Variants in PDSS2 observed in about 807,000 individuals in gnomAD.
PDSS2 encodes the protein all trans-polyprenyl-diphosphate synthase PDSS2.
Under a neutral mutation model 44.5 loss-of-function variants are expected in PDSS2, and 31 were observed. The observed-to-expected ratio is 0.70, with a 90% CI of 0.52 to 0.94. PDSS2 has a LOEUF of 0.94. Among genes scored for constraint, PDSS2 ranks in the 40% least tolerant of loss-of-function variants. The probability of loss-of-function intolerance (pLI) is 0.00; values close to 1 mark genes in which losing one functional copy is unlikely to be tolerated. For synonymous variants in PDSS2, 157 were observed against 180.3 expected (o/e 0.87, Z 1.03); for missense variants, 452 against 482.2 (o/e 0.94, Z 0.59).
intron 1 of PDSS2, among the ~76,000 whole-genome samples, chr6:107,364,131 T>C (rs940061400): frequency 2.0e-5 from 3 of 152,184 alleles, no homozygotes; most frequent in Non-Finnish European, 4.4e-5. Flanking sequence ...CTGAGCTAGA[T>C]ATAAAGACTC....
rs1480097164 is a variant in PDSS2 at position 107,417,340 on chromosome 6, T to C, written c.296+41650A>G. On this transcript the variant is annotated intron_variant, in intron 1 of 7. Coordinates refer to ENST00000369037, the MANE Select transcript of PDSS2 (RefSeq NM_020381.4). ...AGATATAGTGATACTAGTACTCTCA[T>C]ACATGCTGATAGTGTTACAAATTGG... 2.0e-5 allele frequency among the ~76,000 whole-genome samples: 3 copies of C among 152,318 alleles called. No homozygotes were observed. The South Asian group carries it at 6.2e-4, about 32-fold the overall frequency.
At chr6:107,274,474 A>G (rs1775709017) in intron 2 of PDSS2, among the ~76,000 whole-genome samples, 1 of 152,136 alleles carries the variant, frequency 6.6e-6, no homozygotes, top group Admixed American at 6.6e-5. Flanking sequence ...GATATCCCAG[A>G]CAGAAGTTGA....
intron 1 of PDSS2, among the ~76,000 whole-genome samples, chr6:107,378,045 A>T (rs1045472611): frequency 1.3e-5 from 2 of 150,602 alleles, no homozygotes; most frequent in Non-Finnish European, 3.0e-5. Context: ...ATAATAATAA[A>T]AAAATAAAAA....
At chr6:107,304,187 C>T (rs927923913) in intron 2 of PDSS2, among the ~76,000 whole-genome samples, 2 of 152,142 alleles carry the variant, frequency 1.3e-5, no homozygotes, top group African/African-American at 4.8e-5. Context: ...CTATGTGACC[C>T]TCAGTCTCCC....
chr6:107,444,927 G>C (rs532172793), intron 1 of PDSS2, among the ~76,000 whole-genome samples: 1 of 152,176 alleles, frequency 6.6e-6, no homozygotes, highest in East Asian at 1.9e-4. Flanking sequence ...ATAGTTTTTT[G>C]AAGGCAAAAG....
At chr6:107,402,486 ACG>A (rs1562516216) in intron 1 of PDSS2, among the ~76,000 whole-genome samples, 1 of 65,904 alleles carries the variant, frequency 1.5e-5, no homozygotes, top group Non-Finnish European at 4.6e-5. Context: ...ATACATATAT[ACG>A]TATATATGTA....
chr6:107,354,756 G>T (rs1275097827), intron 1 of PDSS2, among the ~76,000 whole-genome samples: 1 of 151,988 alleles, frequency 6.6e-6, no homozygotes, highest in African/African-American at 2.4e-5. Flanking sequence ...CTAGCTTGAG[G>T]ATCCTTACCT....
At chr6:107,350,822 T>G (rs551072617) in intron 1 of PDSS2, among the ~76,000 whole-genome samples, 1 of 151,094 alleles carries the variant, frequency 6.6e-6, no homozygotes, top group African/African-American at 2.4e-5. Flanking sequence ...AAAAAAAAAG[T>G]AAACAAACAG....
intron 6 of PDSS2, among the ~76,000 whole-genome samples, chr6:107,204,734 C>G (rs931293604): frequency 7.9e-5 from 12 of 152,192 alleles, no homozygotes; most frequent in African/African-American, 2.7e-4. Context: ...TTCCTCTATG[C>G]TCCCCAAGTG....
At chr6:107,226,290 C>T (rs1246033785) in intron 4 of PDSS2, among the ~76,000 whole-genome samples, 2 of 151,942 alleles carry the variant, frequency 1.3e-5, no homozygotes, top group Admixed American at 6.6e-5. Context: ...CCAGCCTGGG[C>T]GACAAAGCGA....
chr6:107,273,204 G>A (rs1292001309), intron 3 of PDSS2, among the ~76,000 whole-genome samples: 1 of 151,798 alleles, frequency 6.6e-6, no homozygotes, highest in Non-Finnish European at 1.5e-5. Flanking sequence ...GACTGGTCTC[G>A]AACTCCTGAC....
intron 7 of PDSS2, among the ~76,000 whole-genome samples, chr6:107,188,247 C>T (rs1383818973): frequency 1.3e-5 from 2 of 152,004 alleles, no homozygotes; most frequent in African/African-American, 4.8e-5. Context: ...GCATTGGTGG[C>T]TTGCACTTGT....
intron 1 of PDSS2, among the ~76,000 whole-genome samples, chr6:107,391,193 C>T (rs1205574040): frequency 6.6e-6 from 1 of 151,784 alleles, no homozygotes; most frequent in African/African-American, 2.4e-5. Flanking sequence ...GAAAAGAAAC[C>T]CCATCTAACT....
At chr6:107,332,517 A>C (rs541803640) in intron 2 of PDSS2, among the ~76,000 whole-genome samples, 24 of 152,316 alleles carry the variant, frequency 1.6e-4, no homozygotes, top group Non-Finnish European at 3.4e-4. Context: ...ATATGCTTAC[A>C]AGATGACTTT....
In PDSS2 at chr6:107,367,999, G is replaced by A. The variant is rs117926872; in HGVS notation, c.297-33667C>T. The stretch of plus-strand genomic sequence containing the variant: ...AACTATTGTATTTCAGGCCAAGCGC[G>A]GTGGCTCACGCCCGTAATCCCAGCA... On this transcript the variant is annotated intron_variant, in intron 1 of 7. Transcript: ENST00000369037. 8.0e-3 allele frequency among the ~76,000 whole-genome samples: 1,215 copies of A among 151,456 alleles called. 50 individuals carry two copies. In the East Asian group the frequency reaches 0.12, roughly 15 times the overall value.
intron 2 of PDSS2, among the ~76,000 whole-genome samples, chr6:107,303,836 G>A (rs1776774990): frequency 6.6e-6 from 1 of 152,160 alleles, no homozygotes; most frequent in African/African-American, 2.4e-5. Context: ...ATCTGTACAA[G>A]TGAAATTACA....
Position 107,272,336 on chromosome 6 carries a change from T to C in PDSS2, c.630+1693A>G, listed in dbSNP as rs1009768933. 7.9e-5 allele frequency among the ~76,000 whole-genome samples: 12 copies of C among 152,172 alleles called. No homozygotes were observed. The East Asian group carries it at 1.2e-3, about 15-fold the overall frequency. ...GCTGGCTTACACTGAGACTCTCCTT[T>C]AGCAAACTAGGATGTACACTGATCC... On this transcript the variant is annotated intron_variant, in intron 3 of 7. Transcript: ENST00000369037.
intron 1 of PDSS2, among the ~76,000 whole-genome samples, chr6:107,347,256 C>CTTTTTTT (rs35184119): frequency 2.2e-5 from 2 of 90,006 alleles, no homozygotes; most frequent in Non-Finnish European, 4.2e-5. Context: ...ATTATATCTT[C>CTTTTTTT]TTTTTTTTTT....
chr6:107,304,773 C>A (rs1408877992), intron 2 of PDSS2, among the ~76,000 whole-genome samples: 4 of 152,210 alleles, frequency 2.6e-5, no homozygotes, highest in Non-Finnish European at 5.9e-5. Context: ...GACATACCAA[C>A]TATCTGGTAA....
Sources: gnomAD v4.1 joint callset for allele counts (sites outside exome capture counted in the v4.1 genomes callset) on GRCh38, gnomAD v4.1.1 for gene constraint, MANE v1.5 for transcripts, NCBI Gene and HGNC (gene_info 2026-07-23, HGNC 2026-07-21) for gene names.